Variants in CSMD3 observed in about 807,000 individuals in gnomAD.
CSMD3 encodes the protein CUB and Sushi multiple domains 3, also known as CUB and sushi domain-containing protein 3.
In CSMD3, 177 loss-of-function variants were observed where a neutral mutation model predicts 435.2. The observed-to-expected ratio is 0.41, with a 90% confidence interval of 0.36 to 0.46. CSMD3 has a LOEUF of 0.46. Among genes scored for constraint, CSMD3 ranks in the 20% least tolerant of loss-of-function variants. The pLI is 0.34. For missense variants in CSMD3, 4,265 were observed against 4,504.6 expected, an observed-to-expected ratio of 0.95 and a Z score of 1.52; for synonymous variants, 1,656 against 1,520.5, an observed-to-expected ratio of 1.09 and a Z score of -2.07.
rs140746983 is a variant in CSMD3, at chr8:112,520,608, A to T, written c.4565-3383T>A. 3.5e-3 allele frequency among the ~76,000 whole-genome samples: 538 copies of T among 152,204 alleles called. 1 individual carries two copies. Among genetic ancestry groups the T allele is most frequent in the African/African-American group, 0.012 (518 of 41,576 alleles). ...TTGTATCCATTTATTACACATAAAA[A>T]TATGTTGCTGCCTACATTTTTACTA... is the stretch of plus-strand genomic sequence containing the variant. On this transcript the variant is annotated intron_variant, in intron 27 of 70. Transcript: ENST00000297405.
chr8:112,418,501 G>T (rs2130240026), intron 32 of CSMD3, among the ~76,000 whole-genome samples: 1 of 152,092 alleles, frequency 6.6e-6, no homozygotes, highest in South Asian at 2.1e-4. Flanking sequence ...CTACAAATTT[G>T]CATTTTGGGA....
rs530601319 is a variant in CSMD3 at position 112,224,013 on chromosome 8, C to A, written c.*758G>T. 2 of 152,004 alleles carry A rather than the reference C, an allele frequency of 1.3e-5. No homozygotes were observed. Among genetic ancestry groups the A allele is most frequent in the Non-Finnish European group, 2.9e-5 (2 of 67,976 alleles). 9.4% of individuals were successfully genotyped at this position (152,004 alleles called of 1,614,324 possible). A position where few individuals can be genotyped will look rare whatever the true frequency, so the allele number is the denominator to read the frequency against. ...AATAATAAAAATAAATAGGAAAAAA[C>A]CATATTGAAGCAAGGAGTGAAACAC... On this transcript the variant is annotated 3_prime_UTR_variant, in exon 71 of 71. Transcript: ENST00000297405.
At chr8:112,604,411 C>T (rs567847935) in intron 22 of CSMD3, among the ~76,000 whole-genome samples, 3 of 152,008 alleles carry the variant, frequency 2.0e-5, no homozygotes, top group Non-Finnish European at 4.4e-5. Context: ...ATGAAAACAG[C>T]GTGGTACTGA....
chr8:112,799,963 A>C (rs182604257), intron 13 of CSMD3, among the ~76,000 whole-genome samples, 199 bp downstream of exon 13: 87 of 152,098 alleles, frequency 5.7e-4, no homozygotes, highest in African/African-American at 1.9e-3. Flanking sequence ...AAATAGACAC[A>C]TTTTAAAGGA....
At chr8:112,423,835 C>T (rs1586277689) in intron 32 of CSMD3, among the ~76,000 whole-genome samples, 1 of 152,140 alleles carries the variant, frequency 6.6e-6, no homozygotes, top group African/African-American at 2.4e-5. Context: ...GAGCCTCTAC[C>T]TCTTGTCCCA....
rs1423266987 is a variant in CSMD3 at position 113,076,116 on chromosome 8, G to A, written c.917+22640C>T. On this transcript the variant is annotated intron_variant, in intron 5 of 70. Coordinates refer to ENST00000297405, the MANE Select transcript of CSMD3 (RefSeq NM_198123.2). ...TTATGAAATGAACTGTAAATTCATGGAACTTTTTATTTGTGATATGGAAAT... is the reference window on the plus strand; with the variant it reads ...TTATGAAATGAACTGTAAATTCATGAAACTTTTTATTTGTGATATGGAAAT... 4.0e-5 allele frequency among the ~76,000 whole-genome samples: 6 copies of A among 151,450 alleles called. No individual in the cohort carries two copies. The East Asian group carries it at 1.2e-3, about 29-fold the overall frequency.
Position 113,068,424 on chromosome 8 carries a change from T to C in CSMD3, c.917+30332A>G, listed in dbSNP as rs540074835. 5.3e-5 allele frequency among the ~76,000 whole-genome samples: 8 copies of C among 152,266 alleles called. No homozygotes were observed. The East Asian group carries it at 9.6e-4, about 18-fold the overall frequency. ...CTGTGATTGGTCAGATCCAGAGCCA[T>C]TTATTGGAACATTTCTCTATGATGG... On this transcript the variant is annotated intron_variant, in intron 5 of 70. Transcript: ENST00000297405.
intron 1 of CSMD3, among the ~76,000 whole-genome samples, chr8:113,402,198 C>A (rs1478831654): frequency 6.7e-6 from 1 of 149,840 alleles, no homozygotes; most frequent in Non-Finnish European, 1.5e-5. Context: ...TATCTTTTAT[C>A]TTAAATTTTT....
At chr8:113,221,182 A>C (rs1347546630) in intron 3 of CSMD3, among the ~76,000 whole-genome samples, 2 of 151,348 alleles carry the variant, frequency 1.3e-5, no homozygotes. Context: ...AATTGAAATA[A>C]AAATAGATGA....
At chr8:113,018,124 G>A (rs144696563) in intron 6 of CSMD3, among the ~76,000 whole-genome samples, 15 of 151,928 alleles carry the variant, frequency 9.9e-5, no homozygotes, top group East Asian at 1.9e-4. Context: ...GCACTATTAC[G>A]AAAGTCAAAT....
intron 12 of CSMD3, among the ~76,000 whole-genome samples, chr8:112,821,774 T>C (rs1587393373): frequency 1.3e-5 from 2 of 152,336 alleles, no homozygotes; most frequent in East Asian, 3.9e-4. Context: ...AGAGATTTTA[T>C]GGTTTTGGGT....
At chr8:112,705,241 T>A (rs1264623967) in intron 13 of CSMD3, among the ~76,000 whole-genome samples, 1 of 152,012 alleles carries the variant, frequency 6.6e-6, no homozygotes, top group South Asian at 2.1e-4. Flanking sequence ...GAGAAAGATA[T>A]CCTAGGAAGA....
intron 1 of CSMD3, among the ~76,000 whole-genome samples, chr8:113,355,893 T>C (rs1021388095): frequency 2.0e-5 from 3 of 149,578 alleles, no homozygotes; most frequent in Non-Finnish European, 4.4e-5. Context: ...ATAGCTGTAA[T>C]AGTTGTACAT....
intron 3 of CSMD3, among the ~76,000 whole-genome samples, chr8:113,201,200 A>G (rs887209300): frequency 6.6e-6 from 1 of 152,006 alleles, no homozygotes; most frequent in Admixed American, 6.6e-5. Flanking sequence ...TCCTCATTTC[A>G]AAGCTGGGTT....
chr8:112,372,913 C>T (rs4469486), intron 38 of CSMD3, among the ~76,000 whole-genome samples: 17 of 148,738 alleles, frequency 1.1e-4, no homozygotes, highest in Non-Finnish European at 2.5e-4. Context: ...CCAGCATTTA[C>T]CTTTTAGGTA....
At chr8:113,369,666 AACAG>A (rs2094334806) in intron 1 of CSMD3, among the ~76,000 whole-genome samples, 1 of 151,986 alleles carries the variant, frequency 6.6e-6, no homozygotes, top group Non-Finnish European at 1.5e-5. Flanking sequence ...AGTGTCCATC[AACAG>A]ACAAATAGAT....
intron 3 of CSMD3, among the ~76,000 whole-genome samples, chr8:113,182,786 T>C (rs2092441663): frequency 6.6e-6 from 1 of 152,036 alleles, no homozygotes. Context: ...AATTAGAGGC[T>C]ACTGAGTTGA....
At chr8:112,495,022 T>C (rs1291953794) in intron 30 of CSMD3, among the ~76,000 whole-genome samples, 2 of 152,190 alleles carry the variant, frequency 1.3e-5, no homozygotes, top group African/African-American at 4.8e-5. Flanking sequence ...CCATGGAATA[T>C]ATTTCTTTCA....
At chr8:113,270,074 G>A (rs2093508141) in intron 3 of CSMD3, among the ~76,000 whole-genome samples, 1 of 151,482 alleles carries the variant, frequency 6.6e-6, no homozygotes, top group Admixed American at 6.6e-5. Flanking sequence ...TCTGACAAAG[G>A]GCTAATATCC....
Sources: gnomAD v4.1 joint callset for allele counts (sites outside exome capture counted in the v4.1 genomes callset) on GRCh38, gnomAD v4.1.1 for gene constraint, MANE v1.5 for transcripts, NCBI Gene and HGNC (gene_info 2026-07-23, HGNC 2026-07-21) for gene names.